The following MPP3 variants were observed in gnomAD, a reference collection of about 807,000 sequenced individuals.
MPP3 encodes MAGUK p55 scaffold protein 3.
MPP3 carries 48 observed loss-of-function variants against 80.7 expected under a neutral mutation model. The ratio of observed to expected loss-of-function variants is 0.59; its 90% CI spans 0.47 to 0.76. MPP3 has a LOEUF of 0.76. Ranked by LOEUF, MPP3 falls within the 30% of genes least tolerant of loss-of-function variation. The probability of loss-of-function intolerance (pLI) is 0.00; values close to 1 mark genes in which losing one functional copy is unlikely to be tolerated. For missense variants in MPP3, 620 were observed against 763.0 expected, an observed-to-expected ratio of 0.81 and a Z score of 2.21; for synonymous variants, 311 against 297.6, an observed-to-expected ratio of 1.04 and a Z score of -0.46.
intron 14 of MPP3, among the ~76,000 whole-genome samples, chr17:43,815,234 A>G (rs72836545): frequency 0.15 from 23,004 of 152,174 alleles, 2,225 homozygotes; most frequent in Non-Finnish European, 0.21. Context: ...AGGGAGGCTG[A>G]GAGGGAAGAA....
chr17:43,812,891 C>T (rs1234452737), intron 16 of MPP3, among the ~76,000 whole-genome samples: 1 of 152,190 alleles, frequency 6.6e-6, no homozygotes, highest in African/African-American at 2.4e-5. Context: ...TCCCCAGGGC[C>T]ACCACCTCCC....
At chr17:43,829,525 G>A in intron 7 of MPP3, 129 bp downstream of exon 7, 2 of 1,079,416 alleles carry the variant, frequency 1.9e-6, no homozygotes, top group Non-Finnish European at 2.7e-6. Flanking sequence ...CCACAGGGAT[G>A]AGCAGCAGCG....
In MPP3 at chr17:43,814,285, T is replaced by C. The variant is rs1172734785; in HGVS notation, c.1086A>G (p.Gly362=). The change falls in exon 15 of 20, where the codon GGA becomes GGG. Residue 362 remains glycine (G), a synonymous_variant. Transcript: ENST00000398389. ...GGSQEGKMSS[G]AESPELLTYE... Reference sequence around the variant, plus strand: ...AAGTCAGCAGCTCCGGAGACTCAGCTCCGGAGGACATCTTTCCTTCCTGCG... The same window carrying C: ...AAGTCAGCAGCTCCGGAGACTCAGCCCCGGAGGACATCTTTCCTTCCTGCG... 1 of 1,612,810 alleles carries C rather than the reference T, an allele frequency of 6.2e-7. No individual in the cohort carries two copies. Among genetic ancestry groups the C allele is most frequent in the Admixed American group, 1.7e-5 (1 of 60,010 alleles).
rs185959872 is a variant in MPP3, at chr17:43,829,735, C to T, written c.360G>A (p.Pro120=). The change falls in exon 7 of 20, where the codon CCG becomes CCA. Residue 120 remains proline (P), a synonymous_variant. Transcript: ENST00000398389. The part of the protein sequence containing the change: ...VAQKNFDPVL[P]PLPDNIDEDF... ...CCTCATCGATATTGTCAGGCAGAGG[C>T]GGGAGAACGGGGTCAAAATTCTTCT... The T allele has an allele frequency of 5.8e-5, 94 of 1,613,994 alleles. No homozygotes were observed. In the African/African-American group the frequency reaches 1.1e-3, roughly 19 times the overall value.
intron 11 of MPP3, among the ~76,000 whole-genome samples, chr17:43,819,634 C>T (rs1432431021): frequency 6.6e-6 from 1 of 151,958 alleles, no homozygotes; most frequent in Non-Finnish European, 1.5e-5. Flanking sequence ...CCTGGATTCA[C>T]AGCAGCCCGC....
intron 11 of MPP3, among the ~76,000 whole-genome samples, chr17:43,819,755 A>T (rs1196037458): frequency 6.6e-6 from 1 of 151,964 alleles, no homozygotes; most frequent in African/African-American, 2.4e-5. Context: ...CACTACAAAA[A>T]CGATGCTATA....
chr17:43,827,972 G>A, intron 7 of MPP3, 140 bp from the exon 8 acceptor site: 2 of 744,242 alleles, frequency 2.7e-6, no homozygotes, highest in Non-Finnish European at 4.6e-6. Flanking sequence ...CAATGCTGAA[G>A]ACAAAACAAA....
intron 2 of MPP3, 153 bp from the exon 3 acceptor site, chr17:43,832,096 A>T: frequency 1.5e-6 from 1 of 652,276 alleles, no homozygotes; most frequent in Non-Finnish European, 2.7e-6. Context: ...AGAGGAAGGA[A>T]ATAAAGCTAA....
chr17:43,816,186 G>C, intron 13 of MPP3, 107 bp from the exon 14 acceptor site: 1 of 932,490 alleles, frequency 1.1e-6, no homozygotes, highest in African/African-American at 1.7e-5. Context: ...CTGGGATGGT[G>C]TCTCGTGGGG....
chr17:43,812,612 C>T (rs539142059), intron 16 of MPP3, among the ~76,000 whole-genome samples: 1 of 152,278 alleles, frequency 6.6e-6, no homozygotes, highest in Non-Finnish European at 1.5e-5. Context: ...TCTTCAGAAC[C>T]CAGCATAAAA....
At chr17:43,831,773 T>C (rs1325934859) in intron 3 of MPP3, 96 bp from the exon 4 acceptor site, 1 of 1,427,200 alleles carries the variant, frequency 7.0e-7, no homozygotes, top group Non-Finnish European at 9.6e-7. Context: ...ACTTCAGTCC[T>C]GCCGTGAGGA....
intron 8 of MPP3, among the ~76,000 whole-genome samples, chr17:43,826,840 T>A (rs957378911): frequency 0.015 from 2,246 of 146,468 alleles, 74 homozygotes; most frequent in African/African-American, 0.057. Flanking sequence ...ATTTTTTTTT[T>A]TTTTCTTTTT....
Position 43,801,798 on chromosome 17 carries a change from A to G in MPP3, c.1661T>C (p.Val554Ala), listed in dbSNP as rs974885170. ...GTAGGCACCCTGGAGATCCTCCTTCACCAGCACGGCGTCTACCAGGTGCCC... is the reference window on the plus strand; with the variant it reads ...GTAGGCACCCTGGAGATCCTCCTTCGCCAGCACGGCGTCTACCAGGTGCCC... ...HYGHLVDAVL[V>A]KEDLQGAYSQ... Residue 554 changes from valine to alanine, a missense_variant, in exon 20 of 20, where the codon GTG (valine) becomes GCG (alanine). Val to Ala is a moderately conservative substitution (Grantham distance 64). Coordinates refer to ENST00000398389, the MANE Select transcript of MPP3 (RefSeq NM_001932.6). 3 of 1,614,082 alleles carry G rather than the reference A, an allele frequency of 1.9e-6. No individual in the cohort carries two copies. In the African/African-American group the frequency reaches 4.0e-5, roughly 22 times the overall value.
At chr17:43,802,555 G>C (rs1296034505) in intron 19 of MPP3, among the ~76,000 whole-genome samples, 7 of 152,170 alleles carry the variant, frequency 4.6e-5, no homozygotes. Context: ...TTAACATTAA[G>C]GTATAGGCAA....
chr17:43,831,849 C>T (rs369204677), intron 3 of MPP3, 33 bp downstream of exon 3: 29 of 1,588,122 alleles, frequency 1.8e-5, no homozygotes, highest in Non-Finnish European at 2.5e-5. Context: ...GTCTTCAGGA[C>T]TGTGGCAGGT....
chr17:43,826,832 T>TATATATATA (rs1567824060), intron 8 of MPP3, among the ~76,000 whole-genome samples: 25 of 110,756 alleles, frequency 2.3e-4, no homozygotes, highest in African/African-American at 9.5e-4. Flanking sequence ...ATATATATAT[T>TATATATATA]TTTTTTTTTT....
At chr17:43,812,550 C>T (rs995097922) in intron 16 of MPP3, among the ~76,000 whole-genome samples, 1 of 152,204 alleles carries the variant, frequency 6.6e-6, no homozygotes. Context: ...ATGTTGTTTC[C>T]TCTGTAAAGA....
At chr17:43,829,848 C>G in intron 6 of MPP3, 57 bp from the exon 7 acceptor site, 2 of 1,609,194 alleles carry the variant, frequency 1.2e-6, no homozygotes, top group African/African-American at 2.7e-5. Context: ...GGTCAGCAGG[C>G]CGCAGCTGGC....
intron 4 of MPP3, 63 bp from the exon 5 acceptor site, chr17:43,831,384 G>A: frequency 6.5e-7 from 1 of 1,547,666 alleles, no homozygotes; most frequent in East Asian, 2.2e-5. Flanking sequence ...CGGCTGTGGG[G>A]ACATTTGGGG....
Sources: allele counts gnomAD v4.1 joint callset (sites outside exome capture counted in the v4.1 genomes callset), GRCh38; gene constraint gnomAD v4.1.1; transcripts MANE v1.5; gene names NCBI Gene and HGNC (gene_info 2026-07-23, HGNC 2026-07-21).